STMN2: variants seen among roughly 807,000 people sequenced by gnomAD.
STMN2 encodes stathmin 2.
In STMN2, 2 loss-of-function variants were observed where a neutral mutation model predicts 24.1. That is an observed-to-expected ratio of 0.08 (90% CI 0.03 to 0.26). The LOEUF (loss-of-function observed/expected upper bound fraction) is 0.26. Among genes scored for constraint, STMN2 ranks in the 10% least tolerant of loss-of-function variants. The probability of loss-of-function intolerance (pLI) is 1.00; values close to 1 mark genes in which losing one functional copy is unlikely to be tolerated. For synonymous variants in STMN2, 83 were observed against 77.5 expected (o/e 1.07, Z -0.37); for missense variants, 114 against 213.6 (o/e 0.53, Z 2.91).
At chr8:79,645,488 G>GAAT (rs1810198439) in intron 3 of STMN2, among the ~76,000 whole-genome samples, 1 of 152,128 alleles carries the variant, frequency 6.6e-6, no homozygotes, top group Non-Finnish European at 1.5e-5. Context: ...AACACCTAGT[G>GAAT]AATAATGGGG....
At chr8:79,626,041 A>T (rs1323638938) in intron 1 of STMN2, among the ~76,000 whole-genome samples, 1 of 152,222 alleles carries the variant, frequency 6.6e-6, no homozygotes, top group Admixed American at 6.5e-5. Flanking sequence ...TGTCTTGCAC[A>T]GCACTTCAGT....
At chr8:79,615,915 T>G (rs191252293) in intron 1 of STMN2, among the ~76,000 whole-genome samples, 1 of 152,334 alleles carries the variant, frequency 6.6e-6, no homozygotes, top group African/African-American at 2.4e-5. Context: ...GATTTTGTAG[T>G]GGATAAATAG....
At chr8:79,624,453 C>CAAAAAAAAAAAAAAAAAAAAA (rs1011493193) in intron 1 of STMN2, among the ~76,000 whole-genome samples, 3 of 45,126 alleles carry the variant, frequency 6.6e-5, no homozygotes, top group Admixed American at 2.6e-4. Flanking sequence ...GACTCCGTCT[C>CAAAAAAAAAAAAAAAAAAAAA]AAAAAAAAAA....
intron 1 of STMN2, among the ~76,000 whole-genome samples, chr8:79,636,401 A>T (rs1809956172): frequency 6.6e-6 from 1 of 152,150 alleles, no homozygotes; most frequent in Non-Finnish European, 1.5e-5. Context: ...GCCCTCCGGA[A>T]TCTTACTTAT....
chr8:79,633,946 A>G (rs1809875563), intron 1 of STMN2, among the ~76,000 whole-genome samples: 1 of 152,178 alleles, frequency 6.6e-6, no homozygotes, highest in Non-Finnish European at 1.5e-5. Flanking sequence ...CTAAGGACAG[A>G]TATTGAGGAG....
At chr8:79,655,735 TGCTGTCTCC>T (rs778417486) in intron 4 of STMN2, among the ~76,000 whole-genome samples, 41 of 152,232 alleles carry the variant, frequency 2.7e-4, no homozygotes, top group Non-Finnish European at 5.3e-4. Flanking sequence ...GTACTCTCTA[TGCTGTCTCC>T]CACCTATCCC....
intron 2 of STMN2, among the ~76,000 whole-genome samples, chr8:79,639,873 A>T (rs1051894087): frequency 1.3e-5 from 2 of 152,236 alleles, no homozygotes; most frequent in South Asian, 4.1e-4. Context: ...AGAATACAGT[A>T]CATTGTTATT....
intron 1 of STMN2, among the ~76,000 whole-genome samples, chr8:79,619,785 C>G (rs1242542289): frequency 2.0e-5 from 3 of 152,094 alleles, no homozygotes; most frequent in Admixed American, 6.5e-5. Context: ...AATAAATATT[C>G]AAACACATGA....
intron 1 of STMN2, among the ~76,000 whole-genome samples, chr8:79,635,236 T>C (rs1007635927): frequency 7.2e-5 from 11 of 152,212 alleles, no homozygotes; most frequent in African/African-American, 2.6e-4. Flanking sequence ...ATCTGGACTC[T>C]TGCAACTGCA....
Position 79,621,554 on chromosome 8 carries a change from CCTT to C in STMN2, c.19+10350_19+10352del, listed in dbSNP as rs1337738596. Among the ~76,000 whole-genome samples the C allele has an allele frequency of 3.9e-5, 6 of 152,276 alleles. No individual in the cohort carries two copies. The East Asian group carries it at 7.7e-4, about 20-fold the overall frequency. On this transcript the variant is annotated intron_variant, in intron 1 of 4. Transcript: ENST00000220876. ...AGCCCTTCTTCCTCCTAAAGAAGAGCCTTCTTCTTCTTAAATGAAGGTTGGCTC... is the reference window on the plus strand; with the variant it reads ...AGCCCTTCTTCCTCCTAAAGAAGAGCCTTCTTCTTAAATGAAGGTTGGCTC...
chr8:79,616,261 AT>A, intron 1 of STMN2, among the ~76,000 whole-genome samples: 1 of 152,240 alleles, frequency 6.6e-6, no homozygotes, highest in Non-Finnish European at 1.5e-5. Flanking sequence ...GATTTCAACA[AT>A]TATTGAGCAT....
At chr8:79,647,660 G>A (rs1345329036) in intron 3 of STMN2, among the ~76,000 whole-genome samples, 1 of 152,222 alleles carries the variant, frequency 6.6e-6, no homozygotes, top group Non-Finnish European at 1.5e-5. Flanking sequence ...CTTTGAACCA[G>A]AATTAGTGCT....
intron 4 of STMN2, among the ~76,000 whole-genome samples, chr8:79,661,602 G>C (rs780987746): frequency 6.6e-6 from 1 of 152,016 alleles, no homozygotes; most frequent in Non-Finnish European, 1.5e-5. Flanking sequence ...TTAATTGTTT[G>C]CTATAGGCCA....
chr8:79,650,134 T>G (rs1810303590), intron 3 of STMN2, among the ~76,000 whole-genome samples: 1 of 152,250 alleles, frequency 6.6e-6, no homozygotes, highest in South Asian at 2.1e-4. Context: ...TTATATCAGC[T>G]GATCATTGTC....
intron 4 of STMN2, among the ~76,000 whole-genome samples, chr8:79,659,996 A>G (rs182931723): frequency 9.7e-4 from 148 of 152,304 alleles, no homozygotes; most frequent in African/African-American, 2.8e-3. Context: ...ATTTTCCATT[A>G]ATGTAGTACT....
chr8:79,662,079 T>C (rs2120723), intron 4 of STMN2, among the ~76,000 whole-genome samples: 58,290 of 151,918 alleles, frequency 0.38, 12,164 homozygotes, highest in Non-Finnish European at 0.49. Context: ...AGGAAAGACC[T>C]CATATTTCTT....
chr8:79,641,365 G>A lies in STMN2; in HGVS notation c.116-13G>A, dbSNP rs776911542. ...CTTTGTATGCTTAACATTCTCAAAT[G>A]TTCACTTTTCAGATATGGAAGTGAA... On this transcript the variant is annotated splice_polypyrimidine_tract_variant and intron_variant, in intron 2 of 4. Transcript: ENST00000220876. 6.2e-6 allele frequency: 10 copies of A among 1,610,336 alleles called. No homozygotes were observed. In the Admixed American group the frequency reaches 8.5e-5, roughly 14 times the overall value.
chr8:79,616,853 G>A (rs1328489488), intron 1 of STMN2, among the ~76,000 whole-genome samples: 1 of 152,156 alleles, frequency 6.6e-6, no homozygotes, highest in Non-Finnish European at 1.5e-5. Context: ...GAGAAAGGTA[G>A]AAAATAAGAA....
chr8:79,634,910 G>A (rs550918219), intron 1 of STMN2, among the ~76,000 whole-genome samples: 1 of 152,210 alleles, frequency 6.6e-6, no homozygotes, highest in Non-Finnish European at 1.5e-5. Flanking sequence ...AGAAGCCCCT[G>A]CCAAGAAGAA....
Sources: allele counts gnomAD v4.1 joint callset (sites outside exome capture counted in the v4.1 genomes callset), GRCh38; gene constraint gnomAD v4.1.1; transcripts MANE v1.5; gene names NCBI Gene and HGNC (gene_info 2026-07-23, HGNC 2026-07-21).